Variants in ABCB4 observed in about 807,000 individuals in gnomAD.
ABCB4 encodes the protein ATP binding cassette subfamily B member 4, also known as phosphatidylcholine translocator ABCB4.
In ABCB4, 76 loss-of-function variants were observed where a neutral mutation model predicts 145.7. The observed-to-expected ratio is 0.52, with a 90% CI of 0.43 to 0.63. ABCB4 has a LOEUF of 0.63. Ranked by LOEUF, ABCB4 falls within the 30% of genes least tolerant of loss-of-function variation. ABCB4 has a pLI of 0.00. For missense variants in ABCB4, 1,234 were observed against 1,553.1 expected (o/e 0.79, Z 3.45); for synonymous variants, 517 against 566.8 (o/e 0.91, Z 1.25).
chr7:87,379,879 G>A, the ABCB4 span, among the ~76,000 whole-genome samples: 27 of 152,276 alleles, frequency 1.8e-4, no homozygotes, highest in East Asian at 3.9e-3. Context: ...TTTGGGAGAC[G>A]AAGGTGGGAG....
At chr7:87,411,454 G>A (rs1808617347) in intron 23 of ABCB4, among the ~76,000 whole-genome samples, 1 of 152,170 alleles carries the variant, frequency 6.6e-6, no homozygotes, top group African/African-American at 2.4e-5. Context: ...CTCAGGCCTG[G>A]TTAGGGAGAG....
intron 15 of ABCB4, among the ~76,000 whole-genome samples, chr7:87,427,981 T>G (rs1439111699): frequency 6.6e-6 from 1 of 152,140 alleles, no homozygotes; most frequent in Non-Finnish European, 1.5e-5. Flanking sequence ...CTACCAGATT[T>G]ATTTTCCTAA....
At chr7:87,368,499 G>A in the ABCB4 span, among the ~76,000 whole-genome samples, 4 of 152,052 alleles carry the variant, frequency 2.6e-5, no homozygotes, top group South Asian at 8.3e-4. Flanking sequence ...TCATCCCCTA[G>A]GTCTTGAGGA....
At chr7:87,436,303 T>A (rs935043153) in intron 14 of ABCB4, among the ~76,000 whole-genome samples, 2 of 151,358 alleles carry the variant, frequency 1.3e-5, no homozygotes, top group African/African-American at 2.4e-5. Flanking sequence ...AGGCAGAGCC[T>A]AGTGGACACT....
intron 14 of ABCB4, among the ~76,000 whole-genome samples, chr7:87,436,847 C>T (rs768795879): frequency 2.6e-5 from 4 of 152,200 alleles, no homozygotes; most frequent in Non-Finnish European, 2.9e-5. Context: ...GTCCCTGCAC[C>T]GCCACTCTAT....
chr7:87,448,681 C>T (rs949696056), intron 8 of ABCB4: 1 of 152,154 alleles, frequency 6.6e-6, no homozygotes, highest in Non-Finnish European at 1.5e-5. Flanking sequence ...TGAGGTCCAA[C>T]TGAGGGTTAG....
chr7:87,423,688 T>G, intron 17 of ABCB4: 1 of 579,746 alleles, frequency 1.7e-6, no homozygotes, highest in Non-Finnish European at 3.0e-6. Context: ...TCTTCATTGA[T>G]TTTACATTTT....
chr7:87,386,446 A>G, the ABCB4 span, among the ~76,000 whole-genome samples: 8 of 152,166 alleles, frequency 5.3e-5, no homozygotes, highest in African/African-American at 1.9e-4. Flanking sequence ...ATTTGTTGGC[A>G]TATAGTTACT....
chr7:87,392,686 G>T, the ABCB4 span: 2 of 1,610,256 alleles, frequency 1.2e-6, no homozygotes, highest in Non-Finnish European at 1.7e-6. Context: ...ATCTCTCATG[G>T]TGAAAAATTT....
In ABCB4 at chr7:87,462,747, G is replaced by T. The variant is rs1274552790; in HGVS notation, c.286+11C>A. 3 of 1,613,230 alleles carry T rather than the reference G, an allele frequency of 1.9e-6. No homozygotes were observed. In the African/African-American group the frequency reaches 4.0e-5, roughly 22 times the overall value. On this transcript the variant is annotated intron_variant, in intron 4 of 27. Coordinates refer to ENST00000649586, the MANE Select transcript of ABCB4 (RefSeq NM_000443.4). The stretch of plus-strand genomic sequence containing the variant: ...GCTATGGATTTTTTTAAAAGGTAAA[G>T]AAATGCTTACCTGGAAAGGAGAAGT...
intron 4 of ABCB4, among the ~76,000 whole-genome samples, chr7:87,455,050 T>G (rs1324066497): frequency 2.0e-5 from 3 of 152,194 alleles, no homozygotes; most frequent in Non-Finnish European, 4.4e-5. Context: ...AATTTTATTT[T>G]TATATCTGTG....
At chr7:87,443,515 T>G (rs1319561661) in intron 11 of ABCB4, 71 bp from the exon 12 acceptor site, 1 of 1,598,076 alleles carries the variant, frequency 6.3e-7, no homozygotes, top group Non-Finnish European at 8.5e-7. Context: ...TCGATTCAGT[T>G]TGAAATTTGA....
chr7:87,426,459 T>G (rs538670530), intron 16 of ABCB4, among the ~76,000 whole-genome samples: 24 of 152,340 alleles, frequency 1.6e-4, no homozygotes, highest in African/African-American at 4.8e-4. Flanking sequence ...TGGACCAGTC[T>G]TATTACCTCT....
downstream of ABCB4, among the ~76,000 whole-genome samples, chr7:87,400,339 C>T (rs1345200908): frequency 3.9e-5 from 6 of 152,204 alleles, no homozygotes; most frequent in Non-Finnish European, 7.3e-5. Flanking sequence ...TTACATCATA[C>T]TCAGGGTACT....
rs545534537 is a variant in ABCB4 at position 87,417,459 on chromosome 7, A to G, written c.2535T>C (p.Gly845=). ...IAQNIANLGT[G]IIISFIYGWQ... ...AACCGTAGATAAATGATATGATAAT[A>G]CCAGTTCCAAGGTTAGCTATATTCT... Residue 845 remains glycine, a synonymous_variant, in exon 21 of 28, where the codon GGT becomes GGC. Coordinates refer to ENST00000649586, the MANE Select transcript of ABCB4 (RefSeq NM_000443.4). 110 of 1,614,200 alleles carry G rather than the reference A, an allele frequency of 6.8e-5. No homozygotes were observed. The East Asian group carries it at 2.4e-3, about 35-fold the overall frequency.
At position 87,418,546 on chromosome 7, in the gene ABCB4, T is replaced by G; in HGVS notation, c.2469A>C (p.Gln823His). 2 of 1,614,150 alleles carry G rather than the reference T, an allele frequency of 1.2e-6. No homozygotes were observed. Among genetic ancestry groups the G allele is most frequent in the Admixed American group, 1.7e-5 (1 of 60,030 alleles). Residue 823 changes from glutamine (Q) to histidine (H), a missense_variant, in exon 20 of 28, where the codon CAA becomes CAC. Coordinates refer to ENST00000649586, the MANE Select transcript of ABCB4 (RefSeq NM_000443.4). ...LSTRLATDAA[Q>H]VQGATGTRLA... ...AGTGCAGTCTACCTACTCCTTGGACTTGGGCAGCATCTGTGGCAAGTCTTG... is the reference window on the plus strand; with the variant it reads ...AGTGCAGTCTACCTACTCCTTGGACGTGGGCAGCATCTGTGGCAAGTCTTG...
chr7:87,431,968 G>A (rs1208966997), intron 14 of ABCB4, among the ~76,000 whole-genome samples: 1 of 152,190 alleles, frequency 6.6e-6, no homozygotes, highest in Non-Finnish European at 1.5e-5. Context: ...CTTTTCCAGA[G>A]CACTGCTGTA....
intron 10 of ABCB4, among the ~76,000 whole-genome samples, chr7:87,444,133 TCAG>T (rs1811183046): frequency 6.6e-6 from 1 of 152,206 alleles, no homozygotes; most frequent in Admixed American, 6.5e-5. Flanking sequence ...GCCAAGTATT[TCAG>T]CATTTAGTGA....
chr7:87,451,755 A>G lies in ABCB4; in HGVS notation c.576T>C (p.Val192=). 6.2e-7 allele frequency: 1 copy of G among 1,614,152 alleles called. No individual in the cohort carries two copies. Among genetic ancestry groups the G allele is most frequent in the Non-Finnish European group, 8.5e-7 (1 of 1,180,028 alleles). ...TGGCTACTGCTTGAAAGAACATTCC[A>G]ACCTTGTCACCAATTCCTTCACTGA... ...SKISEGIGDK[V]GMFFQAVATF... Residue 192 remains valine, a synonymous_variant, in exon 7 of 28, where the codon GTT becomes GTC. Transcript: ENST00000649586.
Sources: gnomAD v4.1 joint callset for allele counts (sites outside exome capture counted in the v4.1 genomes callset) on GRCh38, gnomAD v4.1.1 for gene constraint, MANE v1.5 for transcripts, NCBI Gene and HGNC (gene_info 2026-07-23, HGNC 2026-07-21) for gene names.